The following MAST4 variants were observed in gnomAD, a reference collection of about 807,000 sequenced individuals.
The protein encoded by MAST4 is microtubule associated serine/threonine kinase family member 4.
A neutral mutation model predicts 162.7 loss-of-function variants in MAST4; 89 were observed. That is an observed-to-expected ratio of 0.55 (90% CI 0.46 to 0.65). MAST4 has a LOEUF of 0.65. Ranked by LOEUF, MAST4 falls within the 30% of genes least tolerant of loss-of-function variation. The probability of loss-of-function intolerance (pLI) is 0.00; values close to 1 mark genes in which losing one functional copy is unlikely to be tolerated. For synonymous variants in MAST4, 1,479 were observed against 1,361.1 expected, an observed-to-expected ratio of 1.09 and a Z score of -1.91; for missense variants, 3,153 against 3,374.0, an observed-to-expected ratio of 0.93 and a Z score of 1.62.
chr5:66,707,954 A>G (rs1299924738), intron 1 of MAST4, among the ~76,000 whole-genome samples: 1 of 152,194 alleles, frequency 6.6e-6, no homozygotes, highest in African/African-American at 2.4e-5. Context: ...ATTACCATTG[A>G]TGACAGTAAC....
chr5:67,093,800 A>G (rs1479456667), intron 6 of MAST4, among the ~76,000 whole-genome samples: 6 of 152,200 alleles, frequency 3.9e-5, no homozygotes, highest in African/African-American at 1.2e-4. Context: ...TCCAGAGACT[A>G]GTTTCTGATA....
chr5:66,643,031 A>C (rs1745588707), intron 1 of MAST4, among the ~76,000 whole-genome samples: 1 of 152,174 alleles, frequency 6.6e-6, no homozygotes, highest in South Asian at 2.1e-4. Context: ...TGGACCGTTT[A>C]ATTTCTCTTT....
chr5:66,973,055 C>T (rs72763024), intron 4 of MAST4, among the ~76,000 whole-genome samples: 1 of 152,216 alleles, frequency 6.6e-6, no homozygotes, highest in Non-Finnish European at 1.5e-5. Context: ...TGCTCTTTCT[C>T]CCCTTCCTTC....
intron 7 of MAST4, among the ~76,000 whole-genome samples, chr5:67,096,124 C>T (rs1176158718): frequency 3.3e-5 from 5 of 151,316 alleles, no homozygotes; most frequent in African/African-American, 1.2e-4. Context: ...AAAGGCAAGT[C>T]TTAATTTGTC....
intron 4 of MAST4, among the ~76,000 whole-genome samples, chr5:66,929,658 A>G (rs980928075): frequency 1.3e-5 from 2 of 152,214 alleles, no homozygotes; most frequent in Non-Finnish European, 2.9e-5. Flanking sequence ...CAGTTATGTT[A>G]CTATCTGCTG....
intron 3 of MAST4, among the ~76,000 whole-genome samples, chr5:66,893,382 T>TTTTG (rs1554065016): frequency 1.3e-4 from 19 of 150,152 alleles, no homozygotes; most frequent in African/African-American, 4.4e-4. Context: ...ATTTTTTTTT[T>TTTTG]TGTGTGTGTG....
At chr5:66,663,782 T>C (rs1747064911) in intron 1 of MAST4, among the ~76,000 whole-genome samples, 1 of 152,128 alleles carries the variant, frequency 6.6e-6, no homozygotes, top group Non-Finnish European at 1.5e-5. Flanking sequence ...AAAAAGTCAG[T>C]GGAAGGTTTT....
chr5:66,805,832 G>A (rs1374041), intron 3 of MAST4, among the ~76,000 whole-genome samples: 7,271 of 152,270 alleles, frequency 0.048, 258 homozygotes, highest in South Asian at 0.13. Flanking sequence ...AGAGACAGGC[G>A]TTGAGATTGT....
chr5:67,098,789 G>C (rs552009359), intron 7 of MAST4, among the ~76,000 whole-genome samples: 2 of 152,204 alleles, frequency 1.3e-5, no homozygotes, highest in South Asian at 2.1e-4. Context: ...TCTTGAGCCT[G>C]GTGTGTTTTG....
intron 3 of MAST4, among the ~76,000 whole-genome samples, chr5:66,820,523 A>C (rs749584505): frequency 5.9e-5 from 9 of 152,244 alleles, no homozygotes; most frequent in Non-Finnish European, 1.3e-4. Flanking sequence ...TTAGACATGA[A>C]GGGACATAAT....
intron 24 of MAST4, among the ~76,000 whole-genome samples, chr5:67,150,803 TC>T (rs34733333): frequency 6.6e-6 from 1 of 152,094 alleles, no homozygotes; most frequent in Non-Finnish European, 1.5e-5. Context: ...ATGCATCTCT[TC>T]CCCTGTCCTT....
intron 3 of MAST4, among the ~76,000 whole-genome samples, chr5:66,890,313 T>C (rs1412329743): frequency 1.3e-5 from 2 of 152,186 alleles, no homozygotes; most frequent in Non-Finnish European, 2.9e-5. Context: ...GCATGTAAAC[T>C]TTGACTTAGG....
At chr5:66,993,387 A>G (rs1412430491) in intron 4 of MAST4, among the ~76,000 whole-genome samples, 1 of 152,234 alleles carries the variant, frequency 6.6e-6, no homozygotes. Flanking sequence ...ATGAATAGAA[A>G]CGGTCCTTGT....
At position 67,126,924 on chromosome 5, in the gene MAST4, A is replaced by G. The variant is rs140949217; in HGVS notation, c.1746-3286A>G. Reference sequence around the variant, plus strand: ...TGTGTCCTCTCTTACTTCCTTGAGCAGTGGTTTGTAGTTCTCCTTGAAGAG... The same window carrying G: ...TGTGTCCTCTCTTACTTCCTTGAGCGGTGGTTTGTAGTTCTCCTTGAAGAG... On this transcript the variant is annotated intron_variant, in intron 14 of 28. Transcript: ENST00000403625. Among the ~76,000 whole-genome samples the G allele has an allele frequency of 6.6e-3, 1,001 of 152,308 alleles. 6 individuals are homozygous for G. Among genetic ancestry groups the G allele is most frequent in the Middle Eastern group, 0.014 (4 of 294 alleles).
chr5:66,678,818 G>A (rs1481249767), intron 1 of MAST4, among the ~76,000 whole-genome samples: 1 of 149,480 alleles, frequency 6.7e-6, no homozygotes, highest in East Asian at 2.0e-4. Flanking sequence ...TTGAGACGGA[G>A]GCTCACTCTG....
At chr5:66,685,571 T>A (rs564324211) in intron 1 of MAST4, among the ~76,000 whole-genome samples, 9 of 151,986 alleles carry the variant, frequency 5.9e-5, no homozygotes, top group African/African-American at 2.2e-4. Context: ...TTGATCAAAC[T>A]AGGGAACAAA....
At chr5:67,061,567 T>G (rs1396266736) in intron 5 of MAST4, among the ~76,000 whole-genome samples, 1 of 151,998 alleles carries the variant, frequency 6.6e-6, no homozygotes, top group Non-Finnish European at 1.5e-5. Flanking sequence ...CATGTATGTG[T>G]GGTCCAAACT....
At chr5:66,876,624 C>T (rs1761318034) in intron 3 of MAST4, among the ~76,000 whole-genome samples, 1 of 152,166 alleles carries the variant, frequency 6.6e-6, no homozygotes, top group Admixed American at 6.5e-5. Flanking sequence ...TCTGTTGAAG[C>T]CACTCCGTAG....
intron 4 of MAST4, among the ~76,000 whole-genome samples, chr5:66,974,598 T>C (rs575569900): frequency 5.3e-5 from 8 of 152,364 alleles, no homozygotes; most frequent in South Asian, 4.1e-4. Context: ...AAACATTTTA[T>C]GATGCATTTC....
Sources: gnomAD v4.1 joint callset for allele counts (sites outside exome capture counted in the v4.1 genomes callset) on GRCh38, gnomAD v4.1.1 for gene constraint, MANE v1.5 for transcripts, NCBI Gene and HGNC (gene_info 2026-07-23, HGNC 2026-07-21) for gene names.